The following ZFHX3 variants were observed in gnomAD, a reference collection of about 807,000 sequenced individuals.
ZFHX3 encodes the protein zinc finger homeobox protein 3.
Under a neutral mutation model 279.1 loss-of-function variants are expected in ZFHX3, and 42 were observed. The observed-to-expected ratio is 0.15, with a 90% CI of 0.12 to 0.19. The LOEUF is 0.19. ZFHX3 is among the 10% of genes least tolerant of loss of function. The pLI is 1.00. For synonymous variants in ZFHX3, 2,293 were observed against 1,957.8 expected (o/e 1.17, Z -4.52); for missense variants, 4,981 against 4,754.0 (o/e 1.05, Z -1.40).
In ZFHX3 at chr16:72,959,581, G is replaced by A. The variant is rs1961457793; in HGVS notation, c.565C>T (p.Pro189Ser). The change falls in exon 2 of 10, where the codon CCC (proline) becomes TCC (serine). Residue 189 changes from proline to serine, a missense_variant. By Grantham distance (74) the Pro-to-Ser change is moderately conservative. Coordinates refer to ENST00000268489, the MANE Select transcript of ZFHX3 (RefSeq NM_006885.4). ...GTGTTGATGATCTGCGGGTACACGG[G>A]TGCAGCACACGAAGGGTCCCCTTGC... ...GKQGDPSCAA[P>S]VYPQIINTFH... 1 of 1,614,084 alleles carries A rather than the reference G, an allele frequency of 6.2e-7. No individual in the cohort carries two copies. The highest frequency in any genetic ancestry group is 1.3e-5 in the African/African-American group (1 of 74,944).
chr16:73,071,009 C>T (rs1397426036), intron 8 of ZFHX3, among the ~76,000 whole-genome samples: 1 of 136,602 alleles, frequency 7.3e-6, no homozygotes, highest in Non-Finnish European at 1.6e-5. Context: ...CCCTACCCCG[C>T]CCCCCAACCC....
intron 3 of ZFHX3, among the ~76,000 whole-genome samples, chr16:73,369,276 T>C (rs1261691456): frequency 1.3e-5 from 2 of 152,186 alleles, no homozygotes; most frequent in African/African-American, 2.4e-5. Flanking sequence ...GGCGCAGAAC[T>C]GGCTACATAA....
rs115505240 is a variant in ZFHX3 at position 73,757,462 on chromosome 16, G to A, written c.-1607-77222C>T. 9.0e-3 allele frequency among the ~76,000 whole-genome samples: 1,363 copies of A among 152,194 alleles called. 25 individuals are homozygous for A. Among genetic ancestry groups the A allele is most frequent in the African/African-American group, 0.03 (1,260 of 41,512 alleles). On this transcript the variant is annotated intron_variant, in intron 1 of 17. Transcript: ENST00000641206. ...TCTTTTTCTACAATTCAGTTTTTTCGTCTATGAAAATCAGAAAAGTATTTC... is the reference window on the plus strand; with the variant it reads ...TCTTTTTCTACAATTCAGTTTTTTCATCTATGAAAATCAGAAAAGTATTTC...
At chr16:73,630,849 T>C (rs8063166) in intron 2 of ZFHX3, among the ~76,000 whole-genome samples, 115,430 of 152,188 alleles carry the variant, frequency 0.76, 46,218 homozygotes, top group East Asian at 0.99. Context: ...GACAATGCCA[T>C]TTCTTTGGGA....
chr16:73,359,543 G>T (rs770617267), intron 3 of ZFHX3, among the ~76,000 whole-genome samples: 1 of 152,200 alleles, frequency 6.6e-6, no homozygotes, highest in Non-Finnish European at 1.5e-5. Context: ...AAGGCTGAGA[G>T]GTGCCATGTT....
intron 7 of ZFHX3, among the ~76,000 whole-genome samples, chr16:73,105,434 C>T (rs59019173): frequency 0.27 from 11,319 of 41,314 alleles, 1,895 homozygotes; most frequent in African/African-American, 0.54. Flanking sequence ...TATATATATA[C>T]ACACACACAC....
chr16:72,908,308 TAAAA>T, intron 3 of ZFHX3, among the ~76,000 whole-genome samples: 1 of 152,206 alleles, frequency 6.6e-6, no homozygotes, highest in South Asian at 2.1e-4. Flanking sequence ...TCTTCCATTG[TAAAA>T]GGAGGAATAG....
chr16:73,882,292 G>A (rs2030193718), intron 1 of ZFHX3, among the ~76,000 whole-genome samples: 1 of 151,902 alleles, frequency 6.6e-6, no homozygotes, highest in Non-Finnish European at 1.5e-5. Flanking sequence ...CTTTCAGTGT[G>A]GCTGGAGTTG....
rs372184291 is a variant in ZFHX3 at position 73,320,885 on chromosome 16, T to C, written c.-1290-2549A>G. Among the ~76,000 whole-genome samples the C allele has an allele frequency of 1.3e-4, 20 of 152,316 alleles. 1 individual carries two copies. In the East Asian group the frequency reaches 2.7e-3, roughly 21 times the overall value. Reference sequence around the variant, plus strand: ...GCAAATGTCTCTTGAATTGGACACATGGCAGAAGATGAGCTTGGGACTGTG... The same window carrying C: ...GCAAATGTCTCTTGAATTGGACACACGGCAGAAGATGAGCTTGGGACTGTG... On this transcript the variant is annotated intron_variant, in intron 3 of 17. Transcript: ENST00000641206.
chr16:73,716,169 T>C (rs2053412489), intron 1 of ZFHX3, among the ~76,000 whole-genome samples: 1 of 152,156 alleles, frequency 6.6e-6, no homozygotes, highest in Admixed American at 6.5e-5. Context: ...ATGACTTCCA[T>C]TTCTTTTGCA....
In ZFHX3 at chr16:73,166,620, T is replaced by C. The variant is rs575875525; in HGVS notation, c.-1103-22789A>G. On this transcript the variant is annotated intron_variant, in intron 5 of 17. Transcript: ENST00000641206. ...AGGGGGTCTGCTGCATGGTTACCCT[T>C]GTCAGGTTAATTTCCTGTGTGCTCC... Among the ~76,000 whole-genome samples the C allele has an allele frequency of 1.2e-3, 179 of 152,216 alleles. 1 individual carries two copies. Among genetic ancestry groups the C allele is most frequent in the Middle Eastern group, 3.4e-3 (1 of 294 alleles).
chr16:73,786,142 ATTACAGGTGTGAGC>A (rs1959638068), intron 1 of ZFHX3, among the ~76,000 whole-genome samples: 2 of 152,046 alleles, frequency 1.3e-5, no homozygotes, highest in African/African-American at 4.8e-5. Flanking sequence ...AAGTGCTGGG[ATTACAGGTGTGAGC>A]CACCGTGCCC....
chr16:73,889,167 G>A (rs1297087152), intron 1 of ZFHX3, among the ~76,000 whole-genome samples: 1 of 152,132 alleles, frequency 6.6e-6, no homozygotes, highest in Non-Finnish European at 1.5e-5. Context: ...CTAAGGCAAG[G>A]AGAAAGCCGG....
intron 1 of ZFHX3, among the ~76,000 whole-genome samples, chr16:73,705,218 C>T (rs1344877408): frequency 6.6e-6 from 1 of 152,106 alleles, no homozygotes; most frequent in Non-Finnish European, 1.5e-5. Flanking sequence ...CCGTGTTTAG[C>T]AACCAATATG....
chr16:73,286,572 T>C (rs946639015), intron 4 of ZFHX3, among the ~76,000 whole-genome samples: 2 of 146,480 alleles, frequency 1.4e-5, no homozygotes, highest in South Asian at 4.3e-4. Flanking sequence ...TGTGTGGCTG[T>C]GTGGGTCTCT....
Position 73,425,366 on chromosome 16 carries a change from C to T in ZFHX3, c.-1291+30637G>A, listed in dbSNP as rs1222280529. On this transcript the variant is annotated intron_variant, in intron 3 of 17. Coordinates refer to the ZFHX3 transcript ENST00000641206. ...ATACATACATAGGTACCTTACACACCTAGCAATTTATGAATTGCTTAATCT... is the reference window on the plus strand; with the variant it reads ...ATACATACATAGGTACCTTACACACTTAGCAATTTATGAATTGCTTAATCT... Among the ~76,000 whole-genome samples the T allele has an allele frequency of 2.0e-5, 3 of 152,186 alleles. No individual in the cohort carries two copies. In the South Asian group the frequency reaches 6.2e-4, roughly 32 times the overall value.
intron 2 of ZFHX3, among the ~76,000 whole-genome samples, chr16:73,541,112 G>A (rs1238824171): frequency 1.3e-5 from 2 of 152,064 alleles, no homozygotes; most frequent in African/African-American, 4.8e-5. Context: ...CTGCAGCCTG[G>A]AGCATGTCTC....
chr16:72,932,633 T>C (rs1451859718), intron 3 of ZFHX3, among the ~76,000 whole-genome samples: 5 of 134,350 alleles, frequency 3.7e-5, no homozygotes, highest in Non-Finnish European at 7.6e-5. Context: ...TCAGGGAAAT[T>C]CCATCTCCCT....
chr16:73,231,306 C>A (rs893210849), intron 5 of ZFHX3, among the ~76,000 whole-genome samples: 2 of 152,200 alleles, frequency 1.3e-5, no homozygotes, highest in African/African-American at 2.4e-5. Flanking sequence ...CTTGCGTTCA[C>A]TTTCCTGAAG....
Sources: allele counts gnomAD v4.1 joint callset (sites outside exome capture counted in the v4.1 genomes callset), GRCh38; gene constraint gnomAD v4.1.1; transcripts MANE v1.5; gene names NCBI Gene and HGNC (gene_info 2026-07-23, HGNC 2026-07-21).